ESRRG: variants seen among roughly 807,000 people sequenced by gnomAD.
ESRRG encodes estrogen related receptor gamma, also known as estrogen-related receptor gamma.
Under a neutral mutation model 44.0 loss-of-function variants are expected in ESRRG, and 13 were observed. The ratio of observed to expected loss-of-function variants is 0.30; its 90% confidence interval spans 0.19 to 0.47. The LOEUF is 0.47. Among genes scored for constraint, ESRRG ranks in the 20% least tolerant of loss-of-function variants. ESRRG has a pLI of 1.00. For missense variants in ESRRG, 395 were observed against 580.6 expected (o/e 0.68, Z 3.29); for synonymous variants, 215 against 214.6 (o/e 1.00, Z -0.02).
chr1:217,047,910 G>A (rs903901239), intron 1 of ESRRG, among the ~76,000 whole-genome samples: 1 of 152,190 alleles, frequency 6.6e-6, no homozygotes, highest in Non-Finnish European at 1.5e-5. Context: ...GAGAAAAGAA[G>A]TAGCCCACAT....
intron 2 of ESRRG, among the ~76,000 whole-genome samples, chr1:216,903,469 T>C (rs1434342190): frequency 6.6e-6 from 1 of 150,716 alleles, no homozygotes; most frequent in African/African-American, 2.4e-5. Flanking sequence ...CGGGGGACTA[T>C]GGAGGAAAGA....
Position 217,131,842 on chromosome 1 carries a change from G to A in ESRRG, c.-230+5825C>T, listed in dbSNP as rs79071563. Among the ~76,000 whole-genome samples, 16 of 152,260 alleles carry A rather than the reference G, an allele frequency of 1.1e-4. No homozygotes were observed. In the East Asian group the frequency reaches 3.1e-3, roughly 29 times the overall value. On this transcript the variant is annotated intron_variant, in intron 1 of 8. Transcript: ENST00000366940. ...TGTCAAAGAGTCACTTAGTTCTCTGGGTTCTCCCTAATTCCTTCCCTCCTG... is the reference window on the plus strand; with the variant it reads ...TGTCAAAGAGTCACTTAGTTCTCTGAGTTCTCCCTAATTCCTTCCCTCCTG...
At chr1:216,574,385 A>G (rs1298097281) in intron 3 of ESRRG, among the ~76,000 whole-genome samples, 1 of 152,158 alleles carries the variant, frequency 6.6e-6, no homozygotes, top group Admixed American at 6.6e-5. Flanking sequence ...CACCAATAGA[A>G]GTAAAATAGT....
intron 1 of ESRRG, among the ~76,000 whole-genome samples, chr1:216,695,378 G>A (rs1318296052): frequency 6.6e-6 from 1 of 152,050 alleles, no homozygotes; most frequent in Non-Finnish European, 1.5e-5. Context: ...TCCATGAACT[G>A]CAATTACCTG....
intron 2 of ESRRG, among the ~76,000 whole-genome samples, chr1:216,800,848 A>T (rs1407483920): frequency 1.3e-5 from 2 of 152,192 alleles, no homozygotes; most frequent in African/African-American, 2.4e-5. Context: ...TGTGCTAAAG[A>T]AACATGCATT....
intron 1 of ESRRG, among the ~76,000 whole-genome samples, chr1:217,059,833 T>C (rs1000823951): frequency 6.6e-6 from 1 of 151,756 alleles, no homozygotes; most frequent in Non-Finnish European, 1.5e-5. Flanking sequence ...AATAGATAAA[T>C]TGTAAGGAAA....
chr1:217,083,676 G>C (rs1437932709), intron 1 of ESRRG, among the ~76,000 whole-genome samples: 1 of 152,060 alleles, frequency 6.6e-6, no homozygotes, highest in Non-Finnish European at 1.5e-5. Context: ...AAGGTGATTG[G>C]GCCAAAGCAT....
intron 2 of ESRRG, among the ~76,000 whole-genome samples, chr1:216,844,710 C>T (rs1432741008): frequency 6.6e-6 from 1 of 152,022 alleles, no homozygotes; most frequent in East Asian, 1.9e-4. Flanking sequence ...CCATCCTTCT[C>T]AAGTCGTGCA....
chr1:216,847,069 T>C (rs1219960078), intron 2 of ESRRG, among the ~76,000 whole-genome samples: 1 of 152,008 alleles, frequency 6.6e-6, no homozygotes, highest in African/African-American at 2.4e-5. Context: ...GCTTTTTTAG[T>C]GTAAAATGAG....
chr1:216,629,592 G>T (rs2063764779), intron 3 of ESRRG, among the ~76,000 whole-genome samples: 1 of 152,194 alleles, frequency 6.6e-6, no homozygotes, highest in African/African-American at 2.4e-5. Flanking sequence ...CTCTAATCAA[G>T]TGTGTAGATG....
At chr1:216,605,964 C>T (rs1172375690) in intron 3 of ESRRG, among the ~76,000 whole-genome samples, 1 of 151,920 alleles carries the variant, frequency 6.6e-6, no homozygotes, top group Non-Finnish European at 1.5e-5. Context: ...CAATACTTTG[C>T]TGCCCCTGCT....
chr1:216,885,487 A>C (rs1481012530), intron 2 of ESRRG, among the ~76,000 whole-genome samples: 6 of 151,956 alleles, frequency 3.9e-5, no homozygotes, highest in Admixed American at 3.3e-4. Flanking sequence ...ATCCATCTAT[A>C]AATTAAGGCT....
intron 2 of ESRRG, among the ~76,000 whole-genome samples, chr1:216,733,367 A>ATAATT (rs2089251394): frequency 6.6e-6 from 1 of 152,056 alleles, no homozygotes; most frequent in Non-Finnish European, 1.5e-5. Flanking sequence ...AGATGCTTAA[A>ATAATT]TAAGACAATA....
At chr1:217,128,602 AT>A (rs1162213421) in intron 1 of ESRRG, among the ~76,000 whole-genome samples, 2 of 152,230 alleles carry the variant, frequency 1.3e-5, no homozygotes, top group South Asian at 2.1e-4. Context: ...TTAAAAAAAA[AT>A]AACTACTGTC....
At chr1:216,904,122 G>C (rs972522609) in intron 2 of ESRRG, among the ~76,000 whole-genome samples, 3 of 152,026 alleles carry the variant, frequency 2.0e-5, no homozygotes, top group Admixed American at 6.6e-5. Flanking sequence ...AGCACAAAGG[G>C]ACTCAGTAAG....
At chr1:216,509,934 C>A (rs1455513097) in intron 6 of ESRRG, among the ~76,000 whole-genome samples, 1 of 152,138 alleles carries the variant, frequency 6.6e-6, no homozygotes, top group Admixed American at 6.6e-5. Flanking sequence ...TAAATTTACA[C>A]GTTGACACCA....
rs114747279 is a variant in ESRRG at position 216,846,012 on chromosome 1, A to T, written c.-14+93570T>A. Among the ~76,000 whole-genome samples the T allele has an allele frequency of 4.1e-3, 617 of 152,246 alleles. 8 individuals are homozygous for T. The highest frequency in any genetic ancestry group is 7.9e-3 in the Admixed American group (121 of 15,274). ...CTTTCTTTCCTTTGTCACAGTAACC[A>T]CTTAACCGTATTCATTCCTGATCGT... On this transcript the variant is annotated intron_variant, in intron 2 of 7. Coordinates refer to the ESRRG transcript ENST00000359162.
chr1:216,620,618 C>G (rs1033578034), intron 3 of ESRRG, among the ~76,000 whole-genome samples: 2 of 152,166 alleles, frequency 1.3e-5, no homozygotes, highest in South Asian at 2.1e-4. Context: ...CCCTTCACCT[C>G]TAATTCATTC....
At chr1:216,771,963 C>T (rs1329085478) in intron 2 of ESRRG, among the ~76,000 whole-genome samples, 1 of 151,766 alleles carries the variant, frequency 6.6e-6, no homozygotes, top group African/African-American at 2.4e-5. Context: ...CTGAGGTGAA[C>T]ATTTAACTTC....
Sources: allele counts gnomAD v4.1 joint callset (sites outside exome capture counted in the v4.1 genomes callset), GRCh38; gene constraint gnomAD v4.1.1; transcripts MANE v1.5; gene names NCBI Gene and HGNC (gene_info 2026-07-23, HGNC 2026-07-21).